ZNF763: variants seen among roughly 807,000 people sequenced by gnomAD.
The protein encoded by ZNF763 is DNA-binding protein.
Under a neutral mutation model 38.0 loss-of-function variants are expected in ZNF763, and 33 were observed. The observed-to-expected ratio is 0.87, with a 90% CI of 0.66 to 1.16. The LOEUF is 1.16. ZNF763 is among the 50% of genes most tolerant of loss of function. The pLI, the probability that ZNF763 is intolerant of heterozygous loss-of-function variation, is 0.00. For missense variants in ZNF763, 423 were observed against 469.1 expected, an observed-to-expected ratio of 0.90 and a Z score of 0.91; for synonymous variants, 155 against 160.1, an observed-to-expected ratio of 0.97 and a Z score of 0.24.
intron 1 of ZNF763, among the ~76,000 whole-genome samples, chr19:11,974,856 G>A (rs1415752124): frequency 6.6e-6 from 1 of 152,200 alleles, no homozygotes; most frequent in Admixed American, 6.5e-5. Flanking sequence ...GCCTGCCTTG[G>A]CCTTGCAAGG....
chr19:11,978,567 T>C lies in ZNF763; in HGVS notation c.643T>C (p.Tyr215His). 6.2e-7 allele frequency: 1 copy of C among 1,614,210 alleles called. No individual in the cohort carries two copies. Among genetic ancestry groups the C allele is most frequent in the Non-Finnish European group, 8.5e-7 (1 of 1,180,020 alleles). The stretch of plus-strand genomic sequence containing the variant: ...GAAAGCTGTCCATTGTCTCAGATTA[T>C]ATCTTATCCATGAAAGAACTCACAC... ...CGKAVHCLRL[Y>H]LIHERTHTGE... Residue 215 changes from tyrosine to histidine, a missense_variant, in exon 4 of 4, where the codon TAT (tyrosine) becomes CAT (histidine). Coordinates refer to ENST00000358987, the MANE Select transcript of ZNF763 (RefSeq NM_001367172.2).
chr19:11,979,327 C>A lies in ZNF763; in HGVS notation c.*218C>A. On this transcript the variant is annotated 3_prime_UTR_variant, in exon 4 of 4. Coordinates refer to ENST00000358987, the MANE Select transcript of ZNF763 (RefSeq NM_001367172.2). ...CAGATGTGCCCCACACCTTCGAAGGCATGGTAGGACTCACTGGAGAGAAAC... is the reference window on the plus strand; with the variant it reads ...CAGATGTGCCCCACACCTTCGAAGGAATGGTAGGACTCACTGGAGAGAAAC... The A allele has an allele frequency of 6.2e-7, 1 of 1,608,644 alleles. No homozygotes were observed. The highest frequency in any genetic ancestry group is 1.7e-5 in the Admixed American group (1 of 59,574).
chr19:11,979,055 A>C lies in ZNF763; in HGVS notation c.1131A>C (p.Leu377Phe). The stretch of plus-strand genomic sequence containing the variant: ...AATGTAAGCAGTGTGGGAAAGCATT[A>C]TCTTATAAGTTTTCAAACACACCTA... ...PYECKQCGKA[L>F]SYKFSNTPKN... The change falls in exon 4 of 4, where the codon TTA becomes TTC. Residue 377 changes from leucine to phenylalanine, a missense_variant. Transcript: ENST00000358987. 1 of 1,614,142 alleles carries C rather than the reference A, an allele frequency of 6.2e-7. No individual in the cohort carries two copies. The highest frequency in any genetic ancestry group is 1.1e-5 in the South Asian group (1 of 91,084).
At chr19:11,975,996 T>C (rs1973481057) in intron 1 of ZNF763, among the ~76,000 whole-genome samples, 1 of 150,322 alleles carries the variant, frequency 6.7e-6, no homozygotes, top group African/African-American at 2.5e-5. Context: ...AACTGAATGA[T>C]TCCTGGGCAT....
Position 11,978,113 on chromosome 19 carries a change from C to T in ZNF763, c.192-3C>T, listed in dbSNP as rs375100320. ...TTCATAATGTGCTTCTCACTTTTGA[C>T]AGGAGTCTCATAGAAGGGAATGTCA... is the stretch of plus-strand genomic sequence containing the variant. On this transcript the variant is annotated splice_polypyrimidine_tract_variant and splice_region_variant and intron_variant, in intron 3 of 3. Coordinates refer to ENST00000358987, the MANE Select transcript of ZNF763 (RefSeq NM_001367172.2). 12 of 1,608,860 alleles carry T rather than the reference C, an allele frequency of 7.5e-6. No individual in the cohort carries two copies. In the African/African-American group the frequency reaches 1.5e-4, roughly 20 times the overall value.
rs747362374 is a variant in ZNF763, at chr19:11,978,498, G to T, written c.574G>T (p.Val192Leu). ...CCATTCAGGCATTCGAAGACGCATG[G>T]TAATGCACAGTGGGGATGGACCTTA... Reference protein sequence around the residue: ...ISHSGIRRRMVMHSGDGPYKC... With the variant: ...ISHSGIRRRMLMHSGDGPYKC... The change falls in exon 4 of 4, where the codon GTA becomes TTA. Residue 192 changes from valine (V) to leucine (L), a missense_variant. Coordinates refer to ENST00000358987, the MANE Select transcript of ZNF763 (RefSeq NM_001367172.2). 6.2e-7 allele frequency: 1 copy of T among 1,614,196 alleles called. No individual in the cohort carries two copies. Among genetic ancestry groups the T allele is most frequent in the East Asian group, 2.2e-5 (1 of 44,884 alleles).
intron 1 of ZNF763, among the ~76,000 whole-genome samples, chr19:11,966,808 A>G (rs1189495780): frequency 6.6e-6 from 1 of 152,148 alleles, no homozygotes; most frequent in Admixed American, 6.6e-5. Flanking sequence ...GAAATAATCG[A>G]AAGGTTCAGA....
intron 3 of ZNF763, among the ~76,000 whole-genome samples, chr19:11,977,641 T>C (rs1973524837): frequency 6.6e-6 from 1 of 152,164 alleles, no homozygotes; most frequent in Non-Finnish European, 1.5e-5. Flanking sequence ...GGAGGATAGC[T>C]TGAGGCCAGC....
intron 1 of ZNF763, chr19:11,976,792 G>A (rs907977223): frequency 3.7e-5 from 41 of 1,109,866 alleles, no homozygotes; most frequent in East Asian, 1.2e-4. Context: ...CTTGAACCCC[G>A]GTCATGAGCC....
At position 11,978,905 on chromosome 19, in the gene ZNF763, T is replaced by C; in HGVS notation, c.981T>C (p.Tyr327=). 1 of 1,614,126 alleles carries C rather than the reference T, an allele frequency of 6.2e-7. No homozygotes were observed. Among genetic ancestry groups the C allele is most frequent in the Middle Eastern group, 1.6e-4 (1 of 6,062 alleles). ...AAGCATTCCGTAGTTACAGATCCTA[T>C]CTTAGACATAAAAGGAGTCACACGG... The part of the protein sequence containing the change: ...CNKAFRSYRS[Y]LRHKRSHTGE... The change falls in exon 4 of 4, where the codon TAT becomes TAC. Residue 327 remains tyrosine (Y), a synonymous_variant. Transcript: ENST00000358987.
rs1973333677 is a variant in ZNF763, at chr19:11,970,733, A to G, written c.3+5522A>G. On this transcript the variant is annotated intron_variant, in intron 1 of 3. Coordinates refer to ENST00000358987, the MANE Select transcript of ZNF763 (RefSeq NM_001367172.2). ...GATCACCTAAGGTCAGGAGTTTGAG[A>G]CCAGCCTGACCAATATAGTGAAACC... 2.6e-5 allele frequency among the ~76,000 whole-genome samples: 4 copies of G among 152,126 alleles called. No homozygotes were observed. In the South Asian group the frequency reaches 8.3e-4, roughly 32 times the overall value.
chr19:11,975,097 C>CTT (rs752352750), intron 1 of ZNF763, among the ~76,000 whole-genome samples: 1 of 145,754 alleles, frequency 6.9e-6, no homozygotes, highest in Admixed American at 6.9e-5. Flanking sequence ...ATGTTATTTT[C>CTT]TTTTTTTTTT....
intron 3 of ZNF763, among the ~76,000 whole-genome samples, 169 bp from the exon 4 acceptor site, chr19:11,977,947 A>G (rs1973531582): frequency 1.3e-5 from 2 of 152,200 alleles, no homozygotes; most frequent in South Asian, 2.1e-4. Context: ...TTTAAACAAT[A>G]GGTATGACTA....
At chr19:11,974,974 TGTA>T (rs1568309109) in intron 1 of ZNF763, among the ~76,000 whole-genome samples, 3 of 152,206 alleles carry the variant, frequency 2.0e-5, no homozygotes, top group African/African-American at 7.2e-5. Flanking sequence ...GAATTTTACA[TGTA>T]CAGTTGAGAT....
At position 11,965,070 on chromosome 19, in the gene ZNF763, T is replaced by A. The variant is rs1483831991; in HGVS notation, c.-139T>A. ...CTCACCTTTGTCCTTGCGCAGCCGGTGGTTGATATCCGCTGTATCCATCCC... is the reference window on the plus strand; with the variant it reads ...CTCACCTTTGTCCTTGCGCAGCCGGAGGTTGATATCCGCTGTATCCATCCC... On this transcript the variant is annotated 5_prime_UTR_variant, in exon 1 of 4. Transcript: ENST00000358987. 5 of 1,050,054 alleles carry A rather than the reference T, an allele frequency of 4.8e-6. No individual in the cohort carries two copies. The African/African-American group carries it at 8.0e-5, about 17-fold the overall frequency. 65.0% of individuals were successfully genotyped at this position (1,050,054 alleles called of 1,614,324 possible).
chr19:11,967,200 G>A (rs945075874), intron 1 of ZNF763, among the ~76,000 whole-genome samples: 2 of 152,128 alleles, frequency 1.3e-5, no homozygotes, highest in African/African-American at 4.8e-5. Flanking sequence ...ACTGGGTGTG[G>A]TGGCCTGTGC....
At position 11,979,523 on chromosome 19, in the gene ZNF763, C is replaced by A; in HGVS notation, c.*414C>A. On this transcript the variant is annotated 3_prime_UTR_variant, in exon 4 of 4. Transcript: ENST00000358987. ...GTCATTTCAAAGACATGAAAAAACT[C>A]ACACTGCAGAGAAACCCTATGAATG... The A allele has an allele frequency of 6.2e-7, 1 of 1,602,280 alleles. No individual in the cohort carries two copies. Among genetic ancestry groups the A allele is most frequent in the East Asian group, 2.2e-5 (1 of 44,642 alleles).
chr19:11,979,678 G>C lies in ZNF763; in HGVS notation c.*569G>C. ...TCAGATCTGCCTCAATCCTTCAAATGCATGCTGGGACTCACCCTGAAGAGA... is the reference window on the plus strand; with the variant it reads ...TCAGATCTGCCTCAATCCTTCAAATCCATGCTGGGACTCACCCTGAAGAGA... On this transcript the variant is annotated 3_prime_UTR_variant, in exon 4 of 4. Transcript: ENST00000358987. The C allele has an allele frequency of 6.4e-7, 1 of 1,572,004 alleles. No homozygotes were observed. The highest frequency in any genetic ancestry group is 8.7e-7 in the Non-Finnish European group (1 of 1,154,804).
At chr19:11,972,220 G>A (rs905473211) in intron 1 of ZNF763, among the ~76,000 whole-genome samples, 1 of 152,020 alleles carries the variant, frequency 6.6e-6, no homozygotes, top group African/African-American at 2.4e-5. Flanking sequence ...AGGAGTTTGA[G>A]GCTGCAGTGA....
Sources: allele counts gnomAD v4.1 joint callset (sites outside exome capture counted in the v4.1 genomes callset), GRCh38; gene constraint gnomAD v4.1.1; transcripts MANE v1.5; gene names NCBI Gene and HGNC (gene_info 2026-07-23, HGNC 2026-07-21).